The following NOS2 variants were observed in gnomAD, a reference collection of about 807,000 sequenced individuals.
NOS2 encodes nitric oxide synthase, inducible.
In NOS2, 96 loss-of-function variants were observed where a neutral mutation model predicts 136.0. The ratio of observed to expected loss-of-function variants is 0.71; its 90% CI spans 0.60 to 0.84. The LOEUF (loss-of-function observed/expected upper bound fraction) is 0.84, where lower values mean the gene tolerates loss of function less well. NOS2 is among the 40% of genes least tolerant of loss of function. The pLI, the probability that NOS2 is intolerant of heterozygous loss-of-function variation, is 0.00. For synonymous variants in NOS2, 539 were observed against 587.5 expected, an observed-to-expected ratio of 0.92 and a Z score of 1.20; for missense variants, 1,237 against 1,496.9, an observed-to-expected ratio of 0.83 and a Z score of 2.87.
In NOS2 at chr17:27,779,448, G is replaced by A. The variant is rs140135915; in HGVS notation, c.1005-392C>T. The stretch of plus-strand genomic sequence containing the variant: ...GTGTGAACTACCTTGTCTGGCGCTG[G>A]GGGCTTCACTTTTGCACCTTTGGCC... On this transcript the variant is annotated intron_variant, in intron 9 of 26. Transcript: ENST00000313735. Among the ~76,000 whole-genome samples the A allele has an allele frequency of 4.1e-3, 615 of 151,458 alleles. 5 individuals are homozygous for A. Among genetic ancestry groups the A allele is most frequent in the African/African-American group, 0.014 (587 of 41,242 alleles).
At chr17:27,770,103 A>G (rs1384757109) in intron 15 of NOS2, among the ~76,000 whole-genome samples, 1 of 152,160 alleles carries the variant, frequency 6.6e-6, no homozygotes, top group Non-Finnish European at 1.5e-5. Flanking sequence ...TTACATTTTC[A>G]TTCTTCGGAG....
intron 11 of NOS2, 60 bp from the exon 12 acceptor site, chr17:27,774,511 G>T: frequency 7.6e-7 from 1 of 1,318,090 alleles, no homozygotes; most frequent in South Asian, 1.9e-5. Flanking sequence ...GAGAGGGGCC[G>T]GTTGGCCGCA....
Position 27,765,698 on chromosome 17 carries a change from C to T in NOS2, c.2265G>A (p.Val755=). 1 of 1,607,336 alleles carries T rather than the reference C, an allele frequency of 6.2e-7. No individual in the cohort carries two copies. The highest frequency in any genetic ancestry group is 1.3e-5 in the African/African-American group (1 of 74,854). The part of the protein sequence containing the change: ...SPTSSRATIL[V]ELSCEDGQGL... ...CTTGGCCATCCTCACAGGAGAGTTC[C>T]ACCAGGATGGTGGCACGGCTGGGGA... Residue 755 remains valine, a synonymous_variant, in exon 20 of 27, where the codon GTG becomes GTA. Coordinates refer to ENST00000313735, the MANE Select transcript of NOS2 (RefSeq NM_000625.4).
In NOS2 at chr17:27,798,889, A is replaced by C. The variant is rs777341775; in HGVS notation, c.-73-7T>G. On this transcript the variant is annotated splice_polypyrimidine_tract_variant and splice_region_variant and intron_variant, in intron 1 of 26. Transcript: ENST00000313735. ...GATGTTCTTCACTGTGGGGCTGAAG[A>C]AGGGAAGCAGAGGTGAGGGAAGGTT... 1.1e-6 allele frequency: 1 copy of C among 926,782 alleles called. No homozygotes were observed. The highest frequency in any genetic ancestry group is 1.8e-6 in the Non-Finnish European group (1 of 560,024). 57.4% of individuals were successfully genotyped at this position (926,782 alleles called of 1,614,324 possible).
Position 27,778,923 on chromosome 17 carries a change from C to T in NOS2, c.1138G>A (p.Val380Ile). The T allele has an allele frequency of 6.2e-7, 1 of 1,610,170 alleles. No homozygotes were observed. Among genetic ancestry groups the T allele is most frequent in the Non-Finnish European group, 8.5e-7 (1 of 1,177,350 alleles). Residue 380 changes from valine to isoleucine, a missense_variant, in exon 10 of 27, where the codon GTC (valine) becomes ATC (isoleucine). Physicochemically the swap from Val to Ile is conservative, Grantham distance 29. Around this residue, in one of 3 missense-constraint regions of NOS2, gnomAD observed 440 missense variants for 545.4 expected, o/e 0.81. Transcript: ENST00000313735. Reference protein sequence around the residue: ...NGWYMGTEIGVRDFCDVQRYN... With the variant: ...NGWYMGTEIGIRDFCDVQRYN... ...CGCTGGACGTCACAGAAGTCCCGGA[C>T]TCCGATCTCTGTGCCCATGTACCAG...
At chr17:27,774,532 AGAGT>A in intron 11 of NOS2, 81 bp from the exon 12 acceptor site, 1 of 1,132,426 alleles carries the variant, frequency 8.8e-7, no homozygotes, top group Non-Finnish European at 1.2e-6. Flanking sequence ...GGGCTCCCAG[AGAGT>A]GCCTGGGAAG....
chr17:27,760,485 A>C (rs1908082884), intron 24 of NOS2, 138 bp downstream of exon 24: 4 of 1,166,262 alleles, frequency 3.4e-6, no homozygotes, highest in Non-Finnish European at 3.7e-6. Flanking sequence ...TCTAACCCGC[A>C]GAGGCCCGCA....
intron 15 of NOS2, among the ~76,000 whole-genome samples, chr17:27,770,483 C>A (rs1455236475): frequency 1.3e-5 from 2 of 151,954 alleles, no homozygotes; most frequent in Non-Finnish European, 2.9e-5. Flanking sequence ...CAAAACTCCA[C>A]CTAAGTAAAT....
chr17:27,786,418 C>T (rs985501332), intron 5 of NOS2, among the ~76,000 whole-genome samples: 3 of 152,160 alleles, frequency 2.0e-5, no homozygotes, highest in African/African-American at 4.8e-5. Flanking sequence ...AAGAGCAAAA[C>T]TCCATCTCAA....
intron 5 of NOS2, among the ~76,000 whole-genome samples, chr17:27,784,329 AT>A: frequency 1.3e-5 from 2 of 152,324 alleles, no homozygotes; most frequent in South Asian, 4.1e-4. Context: ...CTTTTCCTTG[AT>A]TAGAGAAAAA....
In NOS2 at chr17:27,761,238, C is replaced by T. The variant is rs758655170; in HGVS notation, c.2801-7G>A. On this transcript the variant is annotated splice_region_variant and splice_polypyrimidine_tract_variant and intron_variant, in intron 22 of 26. Coordinates refer to ENST00000313735, the MANE Select transcript of NOS2 (RefSeq NM_000625.4). ...TGCAGGGGACCCTGGCCATCTGCAA[C>T]GATACCACAAAGTGACCAACGTCCC... is the stretch of plus-strand genomic sequence containing the variant. 5 of 1,601,608 alleles carry T rather than the reference C, an allele frequency of 3.1e-6. No individual in the cohort carries two copies. In the South Asian group the frequency reaches 3.4e-5, roughly 11 times the overall value.
intron 11 of NOS2, among the ~76,000 whole-genome samples, chr17:27,774,978 C>T (rs1021486315): frequency 6.6e-5 from 10 of 152,350 alleles, no homozygotes; most frequent in Middle Eastern, 3.4e-3. Context: ...TCTGAAATTA[C>T]GGGCTGTGGG....
chr17:27,771,502 G>A (rs1316237094), intron 14 of NOS2, among the ~76,000 whole-genome samples: 3 of 152,248 alleles, frequency 2.0e-5, no homozygotes, highest in Non-Finnish European at 4.4e-5. Context: ...GGAGCCAGCA[G>A]GTGAGGCTTG....
chr17:27,769,165 C>T lies in NOS2; in HGVS notation c.1860-14G>A, dbSNP rs753628579. 3 of 1,596,492 alleles carry T rather than the reference C, an allele frequency of 1.9e-6. No homozygotes were observed. The highest frequency in any genetic ancestry group is 1.1e-5 in the South Asian group (1 of 89,134). On this transcript the variant is annotated splice_polypyrimidine_tract_variant and intron_variant, in intron 16 of 26. Coordinates refer to ENST00000313735, the MANE Select transcript of NOS2 (RefSeq NM_000625.4). ...AACACAGCGTACCTGCCCGAGGACA[C>T]ACACAGAGACACATGTCCCATGCAA...
chr17:27,779,215 C>T (rs576612577), intron 9 of NOS2, among the ~76,000 whole-genome samples, 159 bp from the exon 10 acceptor site: 4 of 151,600 alleles, frequency 2.6e-5, no homozygotes, highest in Admixed American at 1.3e-4. Flanking sequence ...TGGGCCCAAG[C>T]GATCCTCCTG....
chr17:27,759,811 G>T (rs565052074), intron 25 of NOS2, among the ~76,000 whole-genome samples: 50 of 152,258 alleles, frequency 3.3e-4, no homozygotes, highest in Non-Finnish European at 5.0e-4. Context: ...GGGTTAACCC[G>T]CGTGTGACCT....
At chr17:27,760,526 G>A (rs1216235952) in intron 24 of NOS2, 97 bp downstream of exon 24, 6 of 1,503,554 alleles carry the variant, frequency 4.0e-6, no homozygotes, top group African/African-American at 1.4e-5. Context: ...GCCTTCCCTC[G>A]AGAGAGGTCA....
rs528586324 is a variant in NOS2 at position 27,788,666 on chromosome 17, G to A, written c.318+143C>T. 1.1e-5 allele frequency: 10 copies of A among 938,508 alleles called. No homozygotes were observed. The East Asian group carries it at 2.1e-4, about 20-fold the overall frequency. The allele number at this position is 938,508 out of a possible 1,614,324, so 58.1% of individuals were successfully genotyped here. ...TCATTTACTTCCTACTGTAATCTGTGAGGAATGTCTCTGTTCCTAGACCCC... is the reference window on the plus strand; with the variant it reads ...TCATTTACTTCCTACTGTAATCTGTAAGGAATGTCTCTGTTCCTAGACCCC... On this transcript the variant is annotated intron_variant, in intron 4 of 26. Transcript: ENST00000313735.
In NOS2 at chr17:27,762,882, T is replaced by C; in HGVS notation, c.2716A>G (p.Arg906Gly). 1 of 1,592,944 alleles carries C rather than the reference T, an allele frequency of 6.3e-7. No homozygotes were observed. Reference sequence around the variant, plus strand: ...CGGGAGGAGCTGATGGAGTAGAACCTGGGCTTCAGAATGGGGAGCTGGGAA... The same window carrying C: ...CGGGAGGAGCTGATGGAGTAGAACCCGGGCTTCAGAATGGGGAGCTGGGAA... The part of the protein sequence containing the change: ...LLSQLPILKP[R>G]FYSISSSRDH... Residue 906 changes from arginine to glycine, a missense_variant, in exon 22 of 27, where the codon AGG becomes GGG. Arg to Gly is a moderately radical substitution (Grantham distance 125, BLOSUM62 -2). This residue lies in a region of NOS2 where 782 missense variants were observed against 909.9 expected (regional missense o/e 0.86). Transcript: ENST00000313735.
Sources: allele counts gnomAD v4.1 joint callset (sites outside exome capture counted in the v4.1 genomes callset), GRCh38; gene constraint gnomAD v4.1.1; regional missense constraint gnomAD v4.1.1; transcripts MANE v1.5; gene names NCBI Gene and HGNC (gene_info 2026-07-23, HGNC 2026-07-21).